Variants in POU2F1 observed in about 807,000 individuals in gnomAD.
POU2F1 encodes POU domain, class 2, transcription factor 1.
A neutral mutation model predicts 84.9 loss-of-function variants in POU2F1; 16 were observed. That is an observed-to-expected ratio of 0.19 (90% CI 0.13 to 0.29). The LOEUF (loss-of-function observed/expected upper bound fraction) is 0.29. POU2F1 is among the 10% of genes least tolerant of loss of function. The pLI is 1.00. For synonymous variants in POU2F1, 368 were observed against 368.3 expected (o/e 1.00, Z 0.01); for missense variants, 738 against 942.6 (o/e 0.78, Z 2.84).
intron 2 of POU2F1, among the ~76,000 whole-genome samples, chr1:167,346,025 A>T (rs915206176): frequency 6.6e-6 from 1 of 151,574 alleles, no homozygotes; most frequent in Admixed American, 6.6e-5. Flanking sequence ...ACTTAAAAAA[A>T]TTAACTGGGC....
chr1:167,294,854 C>T (rs1274828208), intron 1 of POU2F1, among the ~76,000 whole-genome samples: 1 of 152,068 alleles, frequency 6.6e-6, no homozygotes, highest in Non-Finnish European at 1.5e-5. Context: ...CAGTAGAAGG[C>T]TGGGCACGGT....
chr1:167,369,696 A>C (rs1375432199), intron 3 of POU2F1, among the ~76,000 whole-genome samples: 1 of 152,194 alleles, frequency 6.6e-6, no homozygotes, highest in Non-Finnish European at 1.5e-5. Context: ...GTGGGTGTGT[A>C]AATATATTTC....
At chr1:167,290,152 A>G (rs953611972) in intron 1 of POU2F1, among the ~76,000 whole-genome samples, 1 of 152,082 alleles carries the variant, frequency 6.6e-6, no homozygotes, top group South Asian at 2.1e-4. Flanking sequence ...GCAGTTTGGC[A>G]GGCAGAGGCG....
At chr1:167,221,732 C>T (rs936557471) in intron 1 of POU2F1, among the ~76,000 whole-genome samples, 29 of 151,402 alleles carry the variant, frequency 1.9e-4, no homozygotes, top group Admixed American at 6.6e-5. Context: ...CAGGCCTGCT[C>T]TCTAGGTGGG....
intron 1 of POU2F1, among the ~76,000 whole-genome samples, chr1:167,292,580 A>C (rs967029091): frequency 6.6e-6 from 1 of 151,964 alleles, no homozygotes; most frequent in Non-Finnish European, 1.5e-5. Context: ...TACCAATTCC[A>C]AAAGATTGAG....
At chr1:167,380,282 G>C (rs1647425605) in intron 7 of POU2F1, 1 of 152,174 alleles carries the variant, frequency 6.6e-6, no homozygotes, top group South Asian at 2.1e-4. Context: ...GTTGTAGGGA[G>C]TCAACGAGTA....
At chr1:167,314,378 G>A (rs1276949741) in intron 1 of POU2F1, among the ~76,000 whole-genome samples, 5 of 152,168 alleles carry the variant, frequency 3.3e-5, no homozygotes, top group Admixed American at 1.3e-4. Flanking sequence ...ATAAAAAATA[G>A]TGACAATACC....
chr1:167,410,036 G>C (rs1233923847), intron 13 of POU2F1, among the ~76,000 whole-genome samples: 1 of 152,178 alleles, frequency 6.6e-6, no homozygotes, highest in South Asian at 2.1e-4. Flanking sequence ...ACAGCATCCA[G>C]TGTTCAGTGG....
chr1:167,247,123 T>C (rs1375170872), intron 1 of POU2F1, among the ~76,000 whole-genome samples: 1 of 151,908 alleles, frequency 6.6e-6, no homozygotes, highest in Non-Finnish European at 1.5e-5. Context: ...TCGCCCAGGA[T>C]GAAGTGCAGA....
chr1:167,236,903 G>C (rs532954695), intron 1 of POU2F1, among the ~76,000 whole-genome samples: 1 of 152,230 alleles, frequency 6.6e-6, no homozygotes, highest in African/African-American at 2.4e-5. Context: ...TGGGAGGTAG[G>C]GATAAAGGAG....
intron 1 of POU2F1, among the ~76,000 whole-genome samples, chr1:167,267,091 A>G (rs1037599957): frequency 1.3e-5 from 2 of 152,132 alleles, no homozygotes; most frequent in Non-Finnish European, 2.9e-5. Context: ...GATCAGTATT[A>G]TTGATCACAA....
chr1:167,250,693 A>G (rs978887587), intron 1 of POU2F1, among the ~76,000 whole-genome samples: 6 of 152,348 alleles, frequency 3.9e-5, no homozygotes, highest in African/African-American at 1.4e-4. Flanking sequence ...AAGTGGATCA[A>G]ACTGACTCTA....
rs1280528259 is a variant in POU2F1, at chr1:167,423,551, A to G, written c.*7741A>G. Reference sequence around the variant, plus strand: ...ATGGAACACCACTTTGAGCACAGAAACAAAGGTCCCTTGGACCTGGTAGGG... The same window carrying G: ...ATGGAACACCACTTTGAGCACAGAAGCAAAGGTCCCTTGGACCTGGTAGGG... On this transcript the variant is annotated 3_prime_UTR_variant, in exon 16 of 16. Transcript: ENST00000367866. 1 of 152,208 alleles carries G rather than the reference A, an allele frequency of 6.6e-6. No individual in the cohort carries two copies. The highest frequency in any genetic ancestry group is 1.9e-4 in the East Asian group (1 of 5,204). The allele number at this position is 152,208 out of a possible 1,614,324, so 9.4% of individuals were successfully genotyped here. A position where few individuals can be genotyped will look rare whatever the true frequency, so the allele number is the denominator to read the frequency against.
At chr1:167,239,992 C>CT (rs35499056) in intron 1 of POU2F1, among the ~76,000 whole-genome samples, 23,321 of 149,794 alleles carry the variant, frequency 0.16, 2,055 homozygotes, top group Non-Finnish European at 0.2. Flanking sequence ...TATGGAAAGG[C>CT]TTTTTTGACA....
chr1:167,264,434 T>C (rs1057027699), intron 1 of POU2F1, among the ~76,000 whole-genome samples: 2 of 151,998 alleles, frequency 1.3e-5, no homozygotes, highest in Non-Finnish European at 2.9e-5. Context: ...TACTGAGGAG[T>C]AAGATGAACC....
chr1:167,351,989 G>A (rs1344358045), intron 2 of POU2F1, among the ~76,000 whole-genome samples: 2 of 152,176 alleles, frequency 1.3e-5, no homozygotes, highest in Non-Finnish European at 2.9e-5. Context: ...AAAAATAGAT[G>A]CACACCTGGG....
At chr1:167,300,133 G>T (rs1180053636) in intron 1 of POU2F1, among the ~76,000 whole-genome samples, 1 of 152,152 alleles carries the variant, frequency 6.6e-6, no homozygotes, top group East Asian at 1.9e-4. Flanking sequence ...ACAGCTGGAG[G>T]CTATTACCCT....
At chr1:167,322,497 A>T (rs774552931) in intron 1 of POU2F1, among the ~76,000 whole-genome samples, 1 of 152,240 alleles carries the variant, frequency 6.6e-6, no homozygotes, top group Non-Finnish European at 1.5e-5. Flanking sequence ...GAAGGCTCAC[A>T]GCTTTTGGGC....
At chr1:167,282,194 A>C (rs768824482) in intron 1 of POU2F1, among the ~76,000 whole-genome samples, 3 of 151,220 alleles carry the variant, frequency 2.0e-5, no homozygotes, top group Non-Finnish European at 4.4e-5. Flanking sequence ...CCAGGCTGGA[A>C]TGCAGTGGCG....
Sources: allele counts gnomAD v4.1 joint callset (sites outside exome capture counted in the v4.1 genomes callset), GRCh38; gene constraint gnomAD v4.1.1; transcripts MANE v1.5; gene names NCBI Gene and HGNC (gene_info 2026-07-23, HGNC 2026-07-21).